The following TAS2R1 variants were observed in gnomAD, a reference collection of about 807,000 sequenced individuals.
TAS2R1 encodes the protein taste receptor type 2 member 1.
For missense variants in TAS2R1, 370 were observed against 353.4 expected, an observed-to-expected ratio of 1.05 and a Z score of -0.38; for synonymous variants, 141 against 134.2, an observed-to-expected ratio of 1.05 and a Z score of -0.35.
At chr5:9,885,274 C>A in the TAS2R1 span, among the ~76,000 whole-genome samples, 1 of 152,046 alleles carries the variant, frequency 6.6e-6, no homozygotes, top group Non-Finnish European at 1.5e-5. Context: ...GTTATGATTT[C>A]TTTATTAATG....
the TAS2R1 span, among the ~76,000 whole-genome samples, chr5:9,781,481 A>G: frequency 6.6e-6 from 1 of 151,996 alleles, no homozygotes; most frequent in South Asian, 2.1e-4. Context: ...CGACTCTCCT[A>G]ATCTGTAACT....
At chr5:9,832,822 C>A in the TAS2R1 span, among the ~76,000 whole-genome samples, 1 of 152,168 alleles carries the variant, frequency 6.6e-6, no homozygotes, top group Non-Finnish European at 1.5e-5. Context: ...AGGTCTCAAT[C>A]AATTTAGGAA....
intron 2 of TAS2R1, among the ~76,000 whole-genome samples, chr5:9,639,794 G>A (rs1740036024): frequency 6.6e-6 from 1 of 152,158 alleles, no homozygotes; most frequent in African/African-American, 2.4e-5. Context: ...TTCTTCTGCA[G>A]CTTCTTCACC....
the TAS2R1 span, among the ~76,000 whole-genome samples, chr5:9,724,134 T>G: frequency 1.9e-3 from 297 of 152,318 alleles, 1 homozygote; most frequent in African/African-American, 6.8e-3. Flanking sequence ...AACTGACCAG[T>G]GCATGCCTTA....
chr5:9,829,631 G>A, the TAS2R1 span, among the ~76,000 whole-genome samples: 572 of 152,270 alleles, frequency 3.8e-3, 2 homozygotes, highest in African/African-American at 0.012. Flanking sequence ...TTCTGTCTCC[G>A]CTTTCCTGCT....
the TAS2R1 span, among the ~76,000 whole-genome samples, chr5:9,787,933 C>T: frequency 1.3e-5 from 2 of 152,196 alleles, no homozygotes; most frequent in East Asian, 3.9e-4. Flanking sequence ...TGACCAACAG[C>T]GTCTGAGGGG....
chr5:9,744,250 G>T, the TAS2R1 span, among the ~76,000 whole-genome samples: 1 of 152,120 alleles, frequency 6.6e-6, no homozygotes, highest in African/African-American at 2.4e-5. Context: ...TTTTGTTTGT[G>T]TATACATTTG....
chr5:9,832,630 T>C, the TAS2R1 span, among the ~76,000 whole-genome samples: 1 of 152,176 alleles, frequency 6.6e-6, no homozygotes, highest in African/African-American at 2.4e-5. Context: ...ATTGCCTCCA[T>C]GTAAATCAAA....
intron 2 of TAS2R1, among the ~76,000 whole-genome samples, chr5:9,636,296 G>A (rs779673037): frequency 4.6e-5 from 7 of 152,064 alleles, no homozygotes; most frequent in Non-Finnish European, 7.4e-5. Flanking sequence ...TGTAGTCCGA[G>A]AGTGTACTTG....
the TAS2R1 span, among the ~76,000 whole-genome samples, chr5:9,812,458 G>T: frequency 1.3e-5 from 2 of 152,064 alleles, no homozygotes; most frequent in Non-Finnish European, 2.9e-5. Flanking sequence ...CTCTAAGTGT[G>T]AAGGTAAGGG....
the TAS2R1 span, among the ~76,000 whole-genome samples, chr5:9,745,060 T>C: frequency 6.6e-6 from 1 of 152,080 alleles, no homozygotes; most frequent in East Asian, 1.9e-4. Flanking sequence ...GTGGGTACAT[T>C]GAAGAGAATG....
At chr5:9,823,604 G>A in the TAS2R1 span, among the ~76,000 whole-genome samples, 2 of 136,648 alleles carry the variant, frequency 1.5e-5, no homozygotes, top group East Asian at 4.5e-4. Flanking sequence ...GGAGGGGAAA[G>A]GACAGGAGGG....
the TAS2R1 span, among the ~76,000 whole-genome samples, chr5:9,895,625 C>T: frequency 6.6e-6 from 1 of 152,212 alleles, no homozygotes; most frequent in African/African-American, 2.4e-5. Context: ...CGGACAATAA[C>T]CATCAGAGAT....
the TAS2R1 span, among the ~76,000 whole-genome samples, chr5:9,816,776 T>C: frequency 6.6e-6 from 1 of 152,170 alleles, no homozygotes; most frequent in African/African-American, 2.4e-5. Flanking sequence ...TTGATGATTC[T>C]AATAATAGTA....
the TAS2R1 span, among the ~76,000 whole-genome samples, chr5:9,837,770 C>T: frequency 6.6e-6 from 1 of 152,374 alleles, no homozygotes; most frequent in East Asian, 1.9e-4. Context: ...ACAAAAACCC[C>T]TGCCTCGTGG....
chr5:9,815,240 G>A, the TAS2R1 span, among the ~76,000 whole-genome samples: 2 of 152,336 alleles, frequency 1.3e-5, no homozygotes, highest in African/African-American at 4.8e-5. Context: ...ATCAATTGCA[G>A]TACAAGCCAG....
At chr5:9,748,543 G>A in the TAS2R1 span, among the ~76,000 whole-genome samples, 14 of 152,218 alleles carry the variant, frequency 9.2e-5, no homozygotes, top group East Asian at 5.8e-4. Context: ...GCCCTCAGGC[G>A]CTTTCACTCA....
At chr5:9,814,656 C>A in the TAS2R1 span, among the ~76,000 whole-genome samples, 1 of 152,122 alleles carries the variant, frequency 6.6e-6, no homozygotes, top group African/African-American at 2.4e-5. Flanking sequence ...TCAACAATGA[C>A]ATAACTTACC....
In TAS2R1 at chr5:9,637,277, G is replaced by C. The variant is rs116230430; in HGVS notation, c.-80-7285C>G. Reference sequence around the variant, plus strand: ...AACCCCAAGCCTTTCTGGCTTGTAAGGTTTTTGCTGAGAAGTCTGCTGTTA... The same window carrying C: ...AACCCCAAGCCTTTCTGGCTTGTAACGTTTTTGCTGAGAAGTCTGCTGTTA... On this transcript the variant is annotated intron_variant, in intron 2 of 2. Coordinates refer to the TAS2R1 transcript ENST00000506620. Among the ~76,000 whole-genome samples the C allele has an allele frequency of 7.1e-3, 1,074 of 152,262 alleles. 6 individuals carry two copies. Among genetic ancestry groups the C allele is most frequent in the Non-Finnish European group, 0.01 (702 of 68,010 alleles).
Sources: allele counts gnomAD v4.1 joint callset (sites outside exome capture counted in the v4.1 genomes callset), GRCh38; gene constraint gnomAD v4.1.1; transcripts MANE v1.5; gene names NCBI Gene and HGNC (gene_info 2026-07-23, HGNC 2026-07-21).